The following RGS7 variants were observed in gnomAD, a reference collection of about 807,000 sequenced individuals.
RGS7 encodes the protein regulator of G-protein signaling 7.
RGS7 carries 27 observed loss-of-function variants against 81.1 expected under a neutral mutation model. The observed-to-expected ratio is 0.33, with a 90% CI of 0.25 to 0.46. The LOEUF (loss-of-function observed/expected upper bound fraction) is 0.46. Ranked by LOEUF, RGS7 falls within the 20% of genes least tolerant of loss-of-function variation. The probability of loss-of-function intolerance (pLI) is 1.00; values close to 1 mark genes in which losing one functional copy is unlikely to be tolerated. For synonymous variants in RGS7, 208 were observed against 207.7 expected, an observed-to-expected ratio of 1.00 and a Z score of -0.01; for missense variants, 396 against 607.4, an observed-to-expected ratio of 0.65 and a Z score of 3.66.
chr1:240,844,083 C>A (rs1282176628), intron 9 of RGS7, among the ~76,000 whole-genome samples: 4 of 152,132 alleles, frequency 2.6e-5, no homozygotes, highest in Non-Finnish European at 5.9e-5. Flanking sequence ...GATATGATTT[C>A]AAACCTACAA....
chr1:241,123,635 C>T (rs1232763578), intron 2 of RGS7, among the ~76,000 whole-genome samples: 1 of 152,186 alleles, frequency 6.6e-6, no homozygotes, highest in Non-Finnish European at 1.5e-5. Context: ...CCTGTAATCA[C>T]AGCTACTCGG....
At position 241,128,049 on chromosome 1, in the gene RGS7, T is replaced by C. The variant is rs541748697; in HGVS notation, c.79-29287A>G. On this transcript the variant is annotated intron_variant, in intron 2 of 18. Transcript: ENST00000440928. ...ATTCCAGCACTTTGGGAGGCTGAGG[T>C]GGGTGGATCACGAGGTCAGGAGACC... Among the ~76,000 whole-genome samples the C allele has an allele frequency of 3.0e-4, 44 of 145,386 alleles. 1 individual carries two copies. Among genetic ancestry groups the C allele is most frequent in the South Asian group, 1.6e-3 (7 of 4,504 alleles).
chr1:240,889,614 G>A (rs1667956259), intron 6 of RGS7, among the ~76,000 whole-genome samples: 1 of 152,198 alleles, frequency 6.6e-6, no homozygotes, highest in Non-Finnish European at 1.5e-5. Context: ...AGAGCAGGTA[G>A]CAGACTTTTA....
intron 3 of RGS7, among the ~76,000 whole-genome samples, chr1:241,012,822 G>A (rs561714870): frequency 3.2e-4 from 49 of 152,256 alleles, no homozygotes; most frequent in African/African-American, 1.2e-3. Flanking sequence ...AAAAGTCTGG[G>A]ACTTTTAAAG....
At chr1:241,349,913 C>A (rs2083129705) in intron 2 of RGS7, among the ~76,000 whole-genome samples, 1 of 152,178 alleles carries the variant, frequency 6.6e-6, no homozygotes, top group South Asian at 2.1e-4. Context: ...CTAAAAATAC[C>A]CTGCTTTCCA....
At chr1:241,285,456 T>C (rs770246314) in intron 2 of RGS7, among the ~76,000 whole-genome samples, 16 of 152,244 alleles carry the variant, frequency 1.1e-4, no homozygotes, top group Non-Finnish European at 1.5e-4. Context: ...GAGGATCTAA[T>C]AGAGGACGCT....
intron 2 of RGS7, among the ~76,000 whole-genome samples, chr1:241,102,387 G>C (rs113479017): frequency 2.0e-5 from 3 of 152,136 alleles, no homozygotes; most frequent in Non-Finnish European, 2.9e-5. Context: ...TGGGATGGGG[G>C]GTGGGACACA....
intron 3 of RGS7, among the ~76,000 whole-genome samples, chr1:241,083,246 AAG>A (rs1393660272): frequency 5.6e-5 from 8 of 143,354 alleles, no homozygotes; most frequent in Non-Finnish European, 7.5e-5. Context: ...AAAAAAGAAA[AAG>A]AAAAAGAAAC....
chr1:240,779,136 T>TGTGTGTGTGTGTGA (rs1553298671), intron 18 of RGS7, among the ~76,000 whole-genome samples: 1 of 141,484 alleles, frequency 7.1e-6, no homozygotes, highest in African/African-American at 2.6e-5. Context: ...TGTGTGTGTG[T>TGTGTGTGTGTGTGA]GACAGTCTCA....
chr1:241,343,858 T>C (rs942591097), intron 2 of RGS7, among the ~76,000 whole-genome samples: 3 of 152,178 alleles, frequency 2.0e-5, no homozygotes. Context: ...TTTTATGATA[T>C]ATATTTTTAC....
intron 4 of RGS7, among the ~76,000 whole-genome samples, chr1:240,958,341 T>C (rs572161250): frequency 1.3e-5 from 2 of 152,312 alleles, no homozygotes; most frequent in East Asian, 1.9e-4. Flanking sequence ...TTAGAGTTTG[T>C]TCTTTAGGAG....
intron 6 of RGS7, among the ~76,000 whole-genome samples, chr1:240,902,428 A>G (rs541372256): frequency 6.6e-6 from 1 of 152,254 alleles, no homozygotes; most frequent in South Asian, 2.1e-4. Context: ...TTTCTGGAGT[A>G]CACTATCATT....
At chr1:241,192,159 G>GGTGTGTGTGTGTGTGTGTGTGT (rs58714151) in intron 2 of RGS7, among the ~76,000 whole-genome samples, 14 of 121,934 alleles carry the variant, frequency 1.1e-4, no homozygotes, top group Admixed American at 1.7e-4. Context: ...AGAGAAAACA[G>GGTGTGTGTGTGTGTGTGTGTGT]GTGTGTGTGT....
rs561715685 is a variant in RGS7 at position 241,195,602 on chromosome 1, AG to A, written c.79-96841del. On this transcript the variant is annotated intron_variant, in intron 2 of 18. Transcript: ENST00000440928. Reference sequence around the variant, plus strand: ...TTTATCTGATAGGACTTAAGATAACAGTGATTAAAATGTTTAAAAGATTAAA... The same window carrying A: ...TTTATCTGATAGGACTTAAGATAACATGATTAAAATGTTTAAAAGATTAAA... 2.6e-5 allele frequency among the ~76,000 whole-genome samples: 4 copies of A among 152,276 alleles called. No homozygotes were observed. In the South Asian group the frequency reaches 8.3e-4, roughly 32 times the overall value.
At chr1:240,966,231 G>C (rs1406596046) in intron 4 of RGS7, among the ~76,000 whole-genome samples, 6 of 151,870 alleles carry the variant, frequency 4.0e-5, no homozygotes, top group Admixed American at 1.3e-4. Context: ...CTTGAATTGT[G>C]ATTAAAAAAA....
In RGS7 at chr1:241,339,657, C is replaced by T. The variant is rs918934329; in HGVS notation, c.78+16042G>A. Among the ~76,000 whole-genome samples the T allele has an allele frequency of 2.0e-5, 3 of 152,166 alleles. No individual in the cohort carries two copies. The East Asian group carries it at 5.8e-4, about 29-fold the overall frequency. The stretch of plus-strand genomic sequence containing the variant: ...CATTGTTGTTCTACCGTCATAAACT[C>T]TCAGCTTGTATCTCCTGGCCAAGAT... On this transcript the variant is annotated intron_variant, in intron 2 of 18. Transcript: ENST00000440928.
chr1:241,293,370 A>G (rs904714922), intron 2 of RGS7, among the ~76,000 whole-genome samples: 15 of 152,258 alleles, frequency 9.9e-5, no homozygotes, highest in Admixed American at 3.9e-4. Context: ...TTACTTACGT[A>G]AGTAGAAGTA....
At chr1:241,128,002 G>C (rs757259245) in intron 2 of RGS7, among the ~76,000 whole-genome samples, 3 of 152,164 alleles carry the variant, frequency 2.0e-5, no homozygotes, top group Non-Finnish European at 4.4e-5. Flanking sequence ...AAATGGGTCG[G>C]GTGTGGTGGC....
At chr1:241,160,110 CAAAAAAAAAAA>C (rs369734662) in intron 2 of RGS7, among the ~76,000 whole-genome samples, 16 of 56,164 alleles carry the variant, frequency 2.8e-4, no homozygotes, top group Non-Finnish European at 5.3e-4. Context: ...GACTCCATCT[CAAAAAAAAAAA>C]AAAAAAAAAG....
Sources: gnomAD v4.1 joint callset for allele counts (sites outside exome capture counted in the v4.1 genomes callset) on GRCh38, gnomAD v4.1.1 for gene constraint, MANE v1.5 for transcripts, NCBI Gene and HGNC (gene_info 2026-07-23, HGNC 2026-07-21) for gene names.